The following ADGRL2 variants were observed in gnomAD, a reference collection of about 807,000 sequenced individuals.
ADGRL2 encodes the protein adhesion G protein-coupled receptor L2.
In ADGRL2, 44 loss-of-function variants were observed where a neutral mutation model predicts 157.4. The ratio of observed to expected loss-of-function variants is 0.28; its 90% CI spans 0.22 to 0.36. The LOEUF (loss-of-function observed/expected upper bound fraction) is 0.36. Among genes scored for constraint, ADGRL2 ranks in the 10% least tolerant of loss-of-function variants. ADGRL2 has a pLI of 1.00. For missense variants in ADGRL2, 1,510 were observed against 1,768.9 expected, an observed-to-expected ratio of 0.85 and a Z score of 2.63; for synonymous variants, 585 against 624.7, an observed-to-expected ratio of 0.94 and a Z score of 0.95.
intron 3 of ADGRL2, among the ~76,000 whole-genome samples, chr1:81,688,277 C>T (rs530929066): frequency 2.0e-4 from 30 of 152,166 alleles, no homozygotes; most frequent in African/African-American, 6.0e-4. Context: ...CCAAGCTTTT[C>T]GAATTCTCTT....
chr1:81,688,142 G>A (rs896808786), intron 3 of ADGRL2, among the ~76,000 whole-genome samples: 3 of 152,118 alleles, frequency 2.0e-5, no homozygotes, highest in Admixed American at 2.0e-4. Flanking sequence ...TGATGACAAT[G>A]TGCCTAGGTG....
At chr1:81,485,043 A>G (rs2078470842) in intron 2 of ADGRL2, among the ~76,000 whole-genome samples, 1 of 152,136 alleles carries the variant, frequency 6.6e-6, no homozygotes, top group South Asian at 2.1e-4. Context: ...AATATACAGT[A>G]TGCTTTGAAT....
intron 1 of ADGRL2, among the ~76,000 whole-genome samples, chr1:81,757,428 A>C (rs1295220173): frequency 2.0e-5 from 3 of 152,206 alleles, no homozygotes; most frequent in African/African-American, 7.2e-5. Context: ...TAGGAGTATG[A>C]GCCTGTAACA....
At chr1:81,901,636 G>A (rs1349718638) in intron 2 of ADGRL2, among the ~76,000 whole-genome samples, 76 of 151,540 alleles carry the variant, frequency 5.0e-4, no homozygotes, top group African/African-American at 1.8e-3. Context: ...TCATTAATGT[G>A]ATACAAATAA....
chr1:81,314,354 A>C (rs1472873715), intron 1 of ADGRL2, among the ~76,000 whole-genome samples: 1 of 152,188 alleles, frequency 6.6e-6, no homozygotes, highest in Admixed American at 6.5e-5. Context: ...GAGAAGCAAC[A>C]ATGTCCAGTT....
intron 3 of ADGRL2, among the ~76,000 whole-genome samples, chr1:81,612,940 GTTA>G (rs1029063432): frequency 2.0e-5 from 3 of 152,128 alleles, no homozygotes; most frequent in Non-Finnish European, 4.4e-5. Context: ...TATCTTTGTT[GTTA>G]TTATTAAGAT....
chr1:81,403,347 C>T (rs2076794235), intron 1 of ADGRL2, among the ~76,000 whole-genome samples: 1 of 152,072 alleles, frequency 6.6e-6, no homozygotes, highest in African/African-American at 2.4e-5. Flanking sequence ...TCGCTGCAAC[C>T]TCCTCCTCTC....
chr1:81,516,179 G>A (rs952435647), intron 2 of ADGRL2, among the ~76,000 whole-genome samples: 6 of 152,102 alleles, frequency 3.9e-5, no homozygotes, highest in Admixed American at 3.3e-4. Context: ...ATAGCTAGTC[G>A]ATGTTTTAAG....
In ADGRL2 at chr1:81,907,084, A is replaced by G; in HGVS notation, c.141A>G (p.Ile47Met). The change falls in exon 3 of 24, where the codon ATA (isoleucine) becomes ATG (methionine). Residue 47 changes from isoleucine to methionine, a missense_variant. By Grantham distance (10) the Ile-to-Met change is conservative. Transcript: ENST00000686636. Reference protein sequence around the residue: ...RRELSCEGYSIDLRCPGSDVI... With the variant: ...RRELSCEGYSMDLRCPGSDVI... Reference sequence around the variant, plus strand: ...AATTATCCTGTGAAGGTTATTCTATAGATCTGCGATGCCCGGGCAGTGATG... The same window carrying G: ...AATTATCCTGTGAAGGTTATTCTATGGATCTGCGATGCCCGGGCAGTGATG... The G allele has an allele frequency of 6.2e-7, 1 of 1,614,126 alleles. No homozygotes were observed. Among genetic ancestry groups the G allele is most frequent in the Non-Finnish European group, 8.5e-7 (1 of 1,180,002 alleles).
intron 2 of ADGRL2, among the ~76,000 whole-genome samples, chr1:81,576,738 A>G (rs577865357): frequency 6.6e-6 from 1 of 152,182 alleles, no homozygotes; most frequent in East Asian, 1.9e-4. Flanking sequence ...CAGTAAAGCA[A>G]TATGTTTACC....
chr1:81,916,973 G>GA (rs142071618), intron 3 of ADGRL2, among the ~76,000 whole-genome samples: 3 of 149,188 alleles, frequency 2.0e-5, no homozygotes, highest in Admixed American at 6.7e-5. Context: ...GAGAAAGAGA[G>GA]AAAAAAAAAA....
intron 2 of ADGRL2, among the ~76,000 whole-genome samples, chr1:81,577,929 A>G (rs897387764): frequency 2.0e-5 from 3 of 152,224 alleles, no homozygotes; most frequent in Admixed American, 6.6e-5. Flanking sequence ...GGTGCAAACC[A>G]TTAGGAAAGC....
intron 1 of ADGRL2, among the ~76,000 whole-genome samples, chr1:81,702,235 C>A (rs2083596248): frequency 6.6e-6 from 1 of 152,158 alleles, no homozygotes; most frequent in African/African-American, 2.4e-5. Context: ...GGGCACTTTA[C>A]ACCATTGGGT....
At chr1:81,740,290 T>G (rs181984123) in intron 1 of ADGRL2, among the ~76,000 whole-genome samples, 1 of 152,336 alleles carries the variant, frequency 6.6e-6, no homozygotes, top group East Asian at 1.9e-4. Context: ...CACTACTATA[T>G]GCATATCCAC....
At chr1:81,826,642 A>G (rs2091506805) in intron 1 of ADGRL2, among the ~76,000 whole-genome samples, 1 of 152,204 alleles carries the variant, frequency 6.6e-6, no homozygotes, top group Admixed American at 6.5e-5. Flanking sequence ...TCTTGTATTA[A>G]TGTCACTGAA....
At chr1:81,307,408 A>G (rs1004314066) in intron 1 of ADGRL2, among the ~76,000 whole-genome samples, 4 of 152,188 alleles carry the variant, frequency 2.6e-5, no homozygotes, top group African/African-American at 9.6e-5. Flanking sequence ...CAATTTTAAA[A>G]CATACTGAAA....
intron 1 of ADGRL2, among the ~76,000 whole-genome samples, chr1:81,759,296 G>C (rs1032719609): frequency 6.6e-6 from 1 of 152,002 alleles, no homozygotes; most frequent in Non-Finnish European, 1.5e-5. Flanking sequence ...AAATATTACT[G>C]TCAGCTACTG....
rs1025002943 is a variant in ADGRL2 at position 81,678,212 on chromosome 1, T to C, written c.-142-83599T>C. Among the ~76,000 whole-genome samples the C allele has an allele frequency of 5.3e-5, 8 of 152,228 alleles. 1 individual carries two copies. Among genetic ancestry groups the C allele is most frequent in the Admixed American group, 4.6e-4 (7 of 15,286 alleles). Reference sequence around the variant, plus strand: ...CTACTCTGATCTCTGAGCTCCAGTGTATAGCATAGAGCCAAACATGTGGCA... The same window carrying C: ...CTACTCTGATCTCTGAGCTCCAGTGCATAGCATAGAGCCAAACATGTGGCA... On this transcript the variant is annotated intron_variant, in intron 3 of 24. Coordinates refer to the ADGRL2 transcript ENST00000370721.
intron 1 of ADGRL2, among the ~76,000 whole-genome samples, chr1:81,438,312 T>G (rs1195578696): frequency 2.0e-5 from 3 of 152,202 alleles, no homozygotes; most frequent in Admixed American, 6.5e-5. Flanking sequence ...AGAACCATTA[T>G]TAATAAATAA....
Sources: gnomAD v4.1 joint callset for allele counts (sites outside exome capture counted in the v4.1 genomes callset) on GRCh38, gnomAD v4.1.1 for gene constraint, MANE v1.5 for transcripts, NCBI Gene and HGNC (gene_info 2026-07-23, HGNC 2026-07-21) for gene names.